KAT6B: variants seen among roughly 807,000 people sequenced by gnomAD.
KAT6B encodes the protein histone acetyltransferase KAT6B.
A neutral mutation model predicts 187.5 loss-of-function variants in KAT6B; 10 were observed. That is an observed-to-expected ratio of 0.05 (90% CI 0.03 to 0.09). The LOEUF (loss-of-function observed/expected upper bound fraction) is 0.09. Ranked by LOEUF, KAT6B falls within the 10% of genes least tolerant of loss-of-function variation. The probability of loss-of-function intolerance (pLI) is 1.00; values close to 1 mark genes in which losing one functional copy is unlikely to be tolerated. For synonymous variants in KAT6B, 861 were observed against 926.8 expected (o/e 0.93, Z 1.29); for missense variants, 1,952 against 2,558.9 (o/e 0.76, Z 5.12).
rs1338104411 is a variant in KAT6B at position 74,889,134 on chromosome 10, C to A, written c.621+45656C>A. ...CGTGGATAAAGGACTCTAAGACAGACATGGGACGAGATTGAGGAAGTGTCA... is the reference window on the plus strand; with the variant it reads ...CGTGGATAAAGGACTCTAAGACAGAAATGGGACGAGATTGAGGAAGTGTCA... On this transcript the variant is annotated intron_variant, in intron 3 of 17. Coordinates refer to ENST00000287239, the MANE Select transcript of KAT6B (RefSeq NM_012330.4). Among the ~76,000 whole-genome samples the A allele has an allele frequency of 5.3e-5, 8 of 152,270 alleles. 1 individual carries two copies. In the East Asian group the frequency reaches 1.2e-3, roughly 22 times the overall value.
chr10:74,889,903 A>G (rs1259895354), intron 3 of KAT6B, among the ~76,000 whole-genome samples: 2 of 152,178 alleles, frequency 1.3e-5, no homozygotes, highest in East Asian at 1.9e-4. Context: ...TTGACCAAAG[A>G]TGACTCTTCA....
In KAT6B at chr10:74,997,909, C is replaced by T. The variant is rs375103355; in HGVS notation, c.2629+8797C>T. ...AGCAGATCACCTGAGGTCAGGAGTT[C>T]GAGACCAGCCTGGCCAACATGACGA... On this transcript the variant is annotated intron_variant, in intron 13 of 17. Transcript: ENST00000287239. 6.2e-3 allele frequency among the ~76,000 whole-genome samples: 941 copies of T among 152,020 alleles called. 10 individuals are homozygous for T. The highest frequency in any genetic ancestry group is 0.021 in the African/African-American group (889 of 41,450).
At chr10:74,898,382 C>T (rs1446147745) in intron 3 of KAT6B, among the ~76,000 whole-genome samples, 1 of 152,054 alleles carries the variant, frequency 6.6e-6, no homozygotes, top group Admixed American at 6.6e-5. Context: ...TAGCACATGA[C>T]ACAAACTCAT....
At chr10:75,018,294 C>T (rs536544321) in intron 13 of KAT6B, among the ~76,000 whole-genome samples, 2 of 152,354 alleles carry the variant, frequency 1.3e-5, no homozygotes, top group South Asian at 4.1e-4. Flanking sequence ...GATCACCCTG[C>T]TGCCACCTCC....
intron 13 of KAT6B, among the ~76,000 whole-genome samples, chr10:75,000,373 G>A (rs1258906513): frequency 6.6e-6 from 1 of 152,052 alleles, no homozygotes; most frequent in Admixed American, 6.6e-5. Flanking sequence ...ATCCAGGCAG[G>A]TGGTTTATTA....
chr10:74,886,320 T>A (rs1265919766), intron 3 of KAT6B, among the ~76,000 whole-genome samples: 1 of 152,170 alleles, frequency 6.6e-6, no homozygotes, highest in Non-Finnish European at 1.5e-5. Context: ...GCCATCACAG[T>A]TCTGGGAGAT....
At chr10:74,842,387 A>G (rs1199977653) in intron 2 of KAT6B, among the ~76,000 whole-genome samples, 1 of 152,220 alleles carries the variant, frequency 6.6e-6, no homozygotes, top group Non-Finnish European at 1.5e-5. Context: ...GACTTCATAT[A>G]GAGAAGTGAA....
At chr10:75,020,853 T>C in intron 14 of KAT6B, 40 bp downstream of exon 14, 1 of 1,540,702 alleles carries the variant, frequency 6.5e-7, no homozygotes. Context: ...GGCTCAGGCA[T>C]CCCACACCAG....
chr10:75,031,482 G>C lies in KAT6B; in HGVS notation c.*436G>C, dbSNP rs1846315971. The C allele has an allele frequency of 6.4e-6, 2 of 311,828 alleles. No individual in the cohort carries two copies. Among genetic ancestry groups the C allele is most frequent in the South Asian group, 1.1e-4 (2 of 17,608 alleles). The allele number at this position is 311,828 out of a possible 1,614,324, so 19.3% of individuals were successfully genotyped here. A position where few individuals can be genotyped will look rare whatever the true frequency, so the allele number is the denominator to read the frequency against. On this transcript the variant is annotated 3_prime_UTR_variant, in exon 18 of 18. Coordinates refer to ENST00000287239, the MANE Select transcript of KAT6B (RefSeq NM_012330.4). The stretch of plus-strand genomic sequence containing the variant: ...TTCAGTTATTGTATATTTTGTTTAA[G>C]GTGACACTTCAGCATGCCGCTAATG...
At chr10:74,848,247 A>G (rs553261021) in intron 3 of KAT6B, among the ~76,000 whole-genome samples, 1 of 152,328 alleles carries the variant, frequency 6.6e-6, no homozygotes, top group South Asian at 2.1e-4. Flanking sequence ...GCTAGGGTCT[A>G]TAGCAAGCTT....
intron 1 of KAT6B, among the ~76,000 whole-genome samples, chr10:74,827,989 G>A (rs188559783): frequency 6.6e-6 from 1 of 152,212 alleles, no homozygotes; most frequent in African/African-American, 2.4e-5. Flanking sequence ...AACTTGATCT[G>A]GAGTCTTCAA....
intron 3 of KAT6B, among the ~76,000 whole-genome samples, chr10:74,941,657 T>G (rs1849673370): frequency 6.6e-6 from 1 of 152,142 alleles, no homozygotes; most frequent in African/African-American, 2.4e-5. Context: ...AATAGGTCTA[T>G]AGCGAGCAAA....
chr10:74,990,716 A>G (rs773951556), intron 13 of KAT6B, among the ~76,000 whole-genome samples: 11 of 152,184 alleles, frequency 7.2e-5, no homozygotes, highest in Non-Finnish European at 1.5e-4. Flanking sequence ...AAAACCATTT[A>G]TCTTGTTCTC....
At chr10:74,989,184 A>T in intron 13 of KAT6B, 72 bp downstream of exon 13, 1 of 1,052,848 alleles carries the variant, frequency 9.5e-7, no homozygotes, top group East Asian at 2.4e-5. Context: ...GTAAAATATA[A>T]AACTTTATTT....
At chr10:74,938,784 T>G (rs1344353147) in intron 3 of KAT6B, among the ~76,000 whole-genome samples, 1 of 152,152 alleles carries the variant, frequency 6.6e-6, no homozygotes, top group Non-Finnish European at 1.5e-5. Context: ...TCACACAGGC[T>G]GGAGTGCAAT....
chr10:74,981,704 G>T, intron 10 of KAT6B, 83 bp from the exon 11 acceptor site: 1 of 1,033,084 alleles, frequency 9.7e-7, no homozygotes, highest in East Asian at 2.4e-5. Flanking sequence ...TTTTTATGAT[G>T]TAGAGAAAAT....
intron 13 of KAT6B, among the ~76,000 whole-genome samples, chr10:74,995,229 AC>A (rs1843352569): frequency 6.6e-6 from 1 of 152,208 alleles, no homozygotes. Context: ...TTTTGGCTTT[AC>A]CCCAAGTGTA....
rs1845728759 is a variant in KAT6B, at chr10:75,025,232, A to G, written c.3647A>G (p.Asn1216Ser). The change falls in exon 17 of 18, where the codon AAT becomes AGT. Residue 1216 changes from asparagine to serine, a missense_variant. By Grantham distance (46) the Asn-to-Ser change is conservative. This residue lies in a region of KAT6B where 758 missense variants were observed against 891.4 expected (regional missense o/e 0.85). Transcript: ENST00000287239. ...GGAAAAGACAATCATTGCTTCAAGAATGCTGACCCTTGTAGAAGTAAGTAG... is the reference window on the plus strand; with the variant it reads ...GGAAAAGACAATCATTGCTTCAAGAGTGCTGACCCTTGTAGAAGTAAGTAG... ...EEGKDNHCFK[N>S]ADPCRNNMND... 6.2e-7 allele frequency: 1 copy of G among 1,614,188 alleles called. No homozygotes were observed. Among genetic ancestry groups the G allele is most frequent in the African/African-American group, 1.3e-5 (1 of 75,070 alleles).
intron 13 of KAT6B, among the ~76,000 whole-genome samples, chr10:75,020,123 A>G (rs1845283735): frequency 6.6e-6 from 1 of 152,194 alleles, no homozygotes; most frequent in Non-Finnish European, 1.5e-5. Context: ...TTCTCTTTTT[A>G]TTAAGACCCA....
Sources: allele counts gnomAD v4.1 joint callset (sites outside exome capture counted in the v4.1 genomes callset), GRCh38; gene constraint gnomAD v4.1.1; regional missense constraint gnomAD v4.1.1; transcripts MANE v1.5; gene names NCBI Gene and HGNC (gene_info 2026-07-23, HGNC 2026-07-21).